The following PICK1 variants were observed in gnomAD, a reference collection of about 807,000 sequenced individuals.
PICK1 encodes the protein protein interacting with PRKCA 1.
In PICK1, 23 loss-of-function variants were observed where a neutral mutation model predicts 48.9. The observed-to-expected ratio is 0.47, with a 90% confidence interval of 0.34 to 0.67. The LOEUF (loss-of-function observed/expected upper bound fraction) is 0.67, where lower values mean the gene tolerates loss of function less well. Among genes scored for constraint, PICK1 ranks in the 30% least tolerant of loss-of-function variants. PICK1 has a pLI of 0.01. For synonymous variants in PICK1, 217 were observed against 228.2 expected (o/e 0.95, Z 0.44); for missense variants, 423 against 557.1 (o/e 0.76, Z 2.42).
rs921290485 is a variant in PICK1 at position 38,068,080 on chromosome 22, C to T, written c.349+310C>T. 3 of 519,970 alleles carry T rather than the reference C, an allele frequency of 5.8e-6. No individual in the cohort carries two copies. In the Admixed American group the frequency reaches 6.8e-5, roughly 12 times the overall value. The allele number at this position is 519,970 out of a possible 1,614,324, so 32.2% of individuals were successfully genotyped here. ...AGGGTTGTCCTTTGCAGGCCAGCGC[C>T]TCGGCTTCCATGGCCCAGGGCCTCA... is the stretch of plus-strand genomic sequence containing the variant. On this transcript the variant is annotated intron_variant, in intron 5 of 12. Transcript: ENST00000356976.
intron 5 of PICK1, 158 bp downstream of exon 5, chr22:38,067,928 A>G (rs1330793862): frequency 4.2e-6 from 3 of 719,254 alleles, no homozygotes; most frequent in African/African-American, 3.5e-5. Context: ...GCAAATCTGA[A>G]AGGCCTGGGA....
chr22:38,058,542 T>C (rs1755628095), intron 2 of PICK1, among the ~76,000 whole-genome samples: 1 of 152,074 alleles, frequency 6.6e-6, no homozygotes, highest in African/African-American at 2.4e-5. Flanking sequence ...GGCTCAAATC[T>C]CAGAGATCGA....
At chr22:38,064,442 G>A (rs1390581578) in intron 3 of PICK1, among the ~76,000 whole-genome samples, 1 of 152,114 alleles carries the variant, frequency 6.6e-6, no homozygotes, top group Non-Finnish European at 1.5e-5. Flanking sequence ...CTTCCCCATT[G>A]AATGTTCTTG....
intron 2 of PICK1, among the ~76,000 whole-genome samples, chr22:38,059,015 A>T (rs1383092985): frequency 2.0e-5 from 3 of 152,292 alleles, no homozygotes; most frequent in Non-Finnish European, 2.9e-5. Flanking sequence ...CTCAAAAAAA[A>T]ACCAAGTTCC....
intron 3 of PICK1, among the ~76,000 whole-genome samples, chr22:38,059,737 G>A (rs1183690727): frequency 1.3e-5 from 2 of 152,154 alleles, no homozygotes; most frequent in Admixed American, 6.5e-5. Flanking sequence ...AGTGTCATAG[G>A]AACACGATGA....
rs773921516 is a variant in PICK1, at chr22:38,073,969, G to A, written c.834+146G>A. ...GATTTAGGGCCATCTTCCCAGTCCC[G>A]CTCGCTGGGCCTCGGGGTGCTGGGC... On this transcript the variant is annotated intron_variant, in intron 11 of 12. Transcript: ENST00000356976. This position sits in a 1 kb window ranked among gnomAD's most constrained non-coding sequence, Gnocchi z 5.7. 20 of 818,948 alleles carry A rather than the reference G, an allele frequency of 2.4e-5. No homozygotes were observed. Among genetic ancestry groups the A allele is most frequent in the Admixed American group, 1.0e-4 (5 of 48,496 alleles). The allele number at this position is 818,948 out of a possible 1,614,324, so 50.7% of individuals were successfully genotyped here.
In PICK1 at chr22:38,075,216, G is replaced by A. The variant is rs1470677873; in HGVS notation, c.*84G>A. On this transcript the variant is annotated 3_prime_UTR_variant, in exon 13 of 13. Transcript: ENST00000356976. ...GGGCGGGGCCGCCGCGCAAGGGGGCGACGCATAAAGGCCTGCTGGCTTGGG... is the reference window on the plus strand; with the variant it reads ...GGGCGGGGCCGCCGCGCAAGGGGGCAACGCATAAAGGCCTGCTGGCTTGGG... 1.8e-5 allele frequency: 25 copies of A among 1,354,968 alleles called. No homozygotes were observed. Among genetic ancestry groups the A allele is most frequent in the Non-Finnish European group, 2.4e-5 (24 of 1,001,400 alleles). 83.9% of individuals were successfully genotyped at this position (1,354,968 alleles called of 1,614,324 possible).
intron 6 of PICK1, among the ~76,000 whole-genome samples, chr22:38,069,988 C>G (rs550010987): frequency 6.6e-6 from 1 of 152,350 alleles, no homozygotes; most frequent in East Asian, 1.9e-4. Context: ...TACATGGCTC[C>G]TTTCCTGCCG....
chr22:38,061,709 C>T (rs5756898), intron 3 of PICK1, among the ~76,000 whole-genome samples: 6,023 of 152,140 alleles, frequency 0.04, 173 homozygotes, highest in East Asian at 0.092. Flanking sequence ...TTTGTAGAGA[C>T]GGTGTTTTGC....
In PICK1 at chr22:38,074,619, T is replaced by G. The variant is rs574854800; in HGVS notation, c.979+168T>G. ...GTGGAGCTGGCCTGTGCGCGTGGGCTCCGTGGGCTGCCATCCATGATCCAT... is the reference window on the plus strand; with the variant it reads ...GTGGAGCTGGCCTGTGCGCGTGGGCGCCGTGGGCTGCCATCCATGATCCAT... On this transcript the variant is annotated intron_variant, in intron 12 of 12. Transcript: ENST00000356976. This position sits in a 1 kb window ranked among gnomAD's most constrained non-coding sequence, Gnocchi z 4.5. 6.6e-6 allele frequency among the ~76,000 whole-genome samples: 1 copy of G among 152,322 alleles called. No individual in the cohort carries two copies. The highest frequency in any genetic ancestry group is 1.9e-4 in the East Asian group (1 of 5,182).
intron 3 of PICK1, among the ~76,000 whole-genome samples, chr22:38,064,689 A>T (rs2145865694): frequency 6.6e-6 from 1 of 152,194 alleles, no homozygotes; most frequent in Non-Finnish European, 1.5e-5. Flanking sequence ...TGAACCCGGG[A>T]GGCGGAGGTT....
chr22:38,068,079 C>A (rs2085575897), intron 5 of PICK1: 1 of 520,028 alleles, frequency 1.9e-6, no homozygotes, highest in Non-Finnish European at 3.9e-6. Context: ...CAGGCCAGCG[C>A]CTCGGCTTCC....
chr22:38,065,020 GCAGC>G lies in PICK1; in HGVS notation c.174_177del (p.Ala59TrpfsTer30). On this transcript the variant is annotated frameshift_variant, in exon 4 of 13. Transcript: ENST00000356976. LOFTEE classifies it high-confidence loss of function. The stretch of plus-strand genomic sequence containing the variant: ...CCCACAGGTATTTGACAACACCCCA[GCAGC>G]CTTGGACGGCACAGTGGCAGCTGGC... 5 of 1,614,114 alleles carry G rather than the reference GCAGC, an allele frequency of 3.1e-6. No homozygotes were observed. Among genetic ancestry groups the G allele is most frequent in the Non-Finnish European group, 4.2e-6 (5 of 1,180,004 alleles).
Position 38,066,563 on chromosome 22 carries a change from T to G in PICK1, c.283-1141T>G, listed in dbSNP as rs1490170541. Among the ~76,000 whole-genome samples, 2 of 152,072 alleles carry G rather than the reference T, an allele frequency of 1.3e-5. No homozygotes were observed. The highest frequency in any genetic ancestry group is 2.9e-5 in the Non-Finnish European group (2 of 68,002). ...CAGGCGGGGAGTGACCTGCTTGTGGTCACACAGCTGAACTGGAGCCCGGGC... is the reference window on the plus strand; with the variant it reads ...CAGGCGGGGAGTGACCTGCTTGTGGGCACACAGCTGAACTGGAGCCCGGGC... On this transcript the variant is annotated intron_variant, in intron 4 of 12. Transcript: ENST00000356976. The surrounding 1 kb of genome is among the most constrained non-coding windows in gnomAD (Gnocchi z 4.1).
At chr22:38,070,926 C>G (rs1233608082) in intron 7 of PICK1, 35 bp downstream of exon 7, 1 of 1,580,716 alleles carries the variant, frequency 6.3e-7, no homozygotes, top group South Asian at 1.1e-5. Context: ...GGCACTAGCT[C>G]TACCCCAGGG....
chr22:38,071,571 A>G (rs2085693953), intron 7 of PICK1, 111 bp from the exon 8 acceptor site: 6 of 954,144 alleles, frequency 6.3e-6, no homozygotes, highest in Non-Finnish European at 8.6e-6. Context: ...AAGGCCATGT[A>G]TCAGGGCCTA....
In PICK1 at chr22:38,072,602, A is replaced by G; in HGVS notation, c.682A>G (p.Ile228Val). 2 of 1,613,166 alleles carry G rather than the reference A, an allele frequency of 1.2e-6. No individual in the cohort carries two copies. Among genetic ancestry groups the G allele is most frequent in the Non-Finnish European group, 1.7e-6 (2 of 1,180,014 alleles). Reference sequence around the variant, plus strand: ...GTTCGGCATTCGGCTTCTGAAAACCATCAAGCCGGTAGGTCCTATTGAGCA... The same window carrying G: ...GTTCGGCATTCGGCTTCTGAAAACCGTCAAGCCGGTAGGTCCTATTGAGCA... Reference protein sequence around the residue: ...EKFGIRLLKTIKPMLTDLNTY... With the variant: ...EKFGIRLLKTVKPMLTDLNTY... Residue 228 changes from isoleucine to valine, a missense_variant, in exon 9 of 13, where the codon ATC becomes GTC. By Grantham distance (29) the Ile-to-Val change is conservative. Transcript: ENST00000356976.
At chr22:38,069,972 G>A (rs1022416760) in intron 6 of PICK1, among the ~76,000 whole-genome samples, 8 of 152,200 alleles carry the variant, frequency 5.3e-5, no homozygotes, top group East Asian at 1.9e-4. Context: ...ACAACAACAC[G>A]ATGCTTACAT....
In PICK1 at chr22:38,075,258, T is replaced by C; in HGVS notation, c.*126T>C. 1 of 917,038 alleles carries C rather than the reference T, an allele frequency of 1.1e-6. No homozygotes were observed. Among genetic ancestry groups the C allele is most frequent in the Non-Finnish European group, 1.6e-6 (1 of 624,066 alleles). The allele number at this position is 917,038 out of a possible 1,614,324, so 56.8% of individuals were successfully genotyped here. ...TGGCTTGGGGCGCCTGCCTCCCTGC[T>C]CCTCTGTCCTCGCACAGCGAACCTG... is the stretch of plus-strand genomic sequence containing the variant. On this transcript the variant is annotated 3_prime_UTR_variant, in exon 13 of 13. Coordinates refer to ENST00000356976, the MANE Select transcript of PICK1 (RefSeq NM_012407.4).
Sources: gnomAD v4.1 joint callset for allele counts (sites outside exome capture counted in the v4.1 genomes callset) on GRCh38, gnomAD v4.1.1 for gene constraint, Gnocchi (gnomAD v3.1) non-coding constraint, MANE v1.5 for transcripts, NCBI Gene and HGNC (gene_info 2026-07-23, HGNC 2026-07-21) for gene names.